The following PGM3 variants were observed in gnomAD, a reference collection of about 807,000 sequenced individuals.
PGM3 encodes the protein phosphoacetylglucosamine mutase.
Under a neutral mutation model 66.2 loss-of-function variants are expected in PGM3, and 40 were observed. That is an observed-to-expected ratio of 0.60 (90% confidence interval 0.47 to 0.79). The LOEUF (loss-of-function observed/expected upper bound fraction) is 0.79, where lower values mean the gene tolerates loss of function less well. Among genes scored for constraint, PGM3 ranks in the 30% least tolerant of loss-of-function variants. The pLI is 0.00. For missense variants in PGM3, 537 were observed against 643.4 expected (o/e 0.83, Z 1.79); for synonymous variants, 191 against 224.2 (o/e 0.85, Z 1.32).
rs143574557 is a variant in PGM3, at chr6:83,173,250, C to T, written c.1242+1124G>A. Among the ~76,000 whole-genome samples the T allele has an allele frequency of 6.3e-3, 965 of 152,130 alleles. 4 individuals are homozygous for T. Among genetic ancestry groups the T allele is most frequent in the Non-Finnish European group, 0.01 (699 of 67,998 alleles). ...AGTGTTTTTGTGGATGGATAAAATA[C>T]GAACAATGAGGTGAAGATCTCTGTG... On this transcript the variant is annotated intron_variant, in intron 10 of 12. Transcript: ENST00000513973.
chr6:83,167,479 T>C lies in PGM3; in HGVS notation c.*1755A>G. On this transcript the variant is annotated 3_prime_UTR_variant, in exon 13 of 13. Transcript: ENST00000513973. ...ATGTATAAAGCACTTTGTTCCTTTT[T>C]TCTGTAGTAATTTTGTGACCTAGTC... The C allele has an allele frequency of 1.0e-6, 1 of 995,854 alleles. No individual in the cohort carries two copies. The allele number at this position is 995,854 out of a possible 1,614,324, so 61.7% of individuals were successfully genotyped here.
chr6:83,149,396 G>A, the PGM3 span, among the ~76,000 whole-genome samples: 2 of 152,192 alleles, frequency 1.3e-5, no homozygotes, highest in African/African-American at 4.8e-5. Flanking sequence ...TAGGTCCCCA[G>A]TAAATACTTG....
chr6:83,152,415 T>A, the PGM3 span: 1 of 870,192 alleles, frequency 1.1e-6, no homozygotes, highest in South Asian at 2.7e-5. Flanking sequence ...ACTGTTTCAT[T>A]ATTAAAAATT....
intron 5 of PGM3, 128 bp downstream of exon 5, chr6:83,182,717 C>CA (rs1264799173): frequency 1.6e-5 from 14 of 879,398 alleles, no homozygotes; most frequent in African/African-American, 1.5e-4. Flanking sequence ...TAGAGAAAAA[C>CA]AAAAAAGGAG....
chr6:83,162,929 T>A, downstream of PGM3: 2 of 1,607,614 alleles, frequency 1.2e-6, no homozygotes, highest in Non-Finnish European at 1.7e-6. Context: ...GGTATCGCAT[T>A]CTTTTGTGAT....
Position 83,170,384 on chromosome 6 carries a change from T to C in PGM3, c.1460A>G (p.Lys487Arg). 1.9e-6 allele frequency: 3 copies of C among 1,614,170 alleles called. No homozygotes were observed. The highest frequency in any genetic ancestry group is 2.5e-6 in the Non-Finnish European group (3 of 1,180,014). Reference sequence around the variant, plus strand: ...GACAAAAGCTCGAGAAAGCTTGTACTTCTTCACCAGGTCATTGATTGCCTC... The same window carrying C: ...GACAAAAGCTCGAGAAAGCTTGTACCTCTTCACCAGGTCATTGATTGCCTC... ...LQEAINDLVK[K>R]YKLSRAFVRP... is the part of the protein sequence containing the mutation. The change falls in exon 12 of 13, where the codon AAG becomes AGG. Residue 487 changes from lysine (K) to arginine (R), a missense_variant. Physicochemically the swap from Lys to Arg is conservative, Grantham distance 26 (BLOSUM62 2). Coordinates refer to ENST00000513973, the MANE Select transcript of PGM3 (RefSeq NM_015599.3).
chr6:83,151,993 G>A, the PGM3 span: 1 of 1,613,762 alleles, frequency 6.2e-7, no homozygotes, highest in Admixed American at 1.7e-5. Context: ...CCAAAATAAT[G>A]GTAGATGGAA....
At position 83,175,483 on chromosome 6, in the gene PGM3, A is replaced by G. The variant is rs1008513371; in HGVS notation, c.1128+479T>C. Among the ~76,000 whole-genome samples, 4 of 152,224 alleles carry G rather than the reference A, an allele frequency of 2.6e-5. No homozygotes were observed. The East Asian group carries it at 7.7e-4, about 29-fold the overall frequency. On this transcript the variant is annotated intron_variant, in intron 9 of 12. Transcript: ENST00000513973. ...TAAAAACATTTTAAAAATATTCTGAACATTATGAATCTACAAAAAACTAAA... is the reference window on the plus strand; with the variant it reads ...TAAAAACATTTTAAAAATATTCTGAGCATTATGAATCTACAAAAAACTAAA...
At chr6:83,160,857 A>G (rs1784064621), downstream of PGM3, among the ~76,000 whole-genome samples, 2 of 152,216 alleles carry the variant, frequency 1.3e-5, no homozygotes, top group East Asian at 1.9e-4. Context: ...TTTTATTTGG[A>G]CATGCTCCAA....
intron 6 of PGM3, among the ~76,000 whole-genome samples, chr6:83,181,522 T>C (rs1319311410): frequency 6.6e-6 from 1 of 152,126 alleles, no homozygotes; most frequent in East Asian, 1.9e-4. Context: ...CCCACCTGAT[T>C]TCCTGTAGAC....
upstream of PGM3, chr6:83,193,869 C>T (rs180928956): frequency 0.017 from 2,633 of 153,874 alleles, 37 homozygotes; most frequent in Middle Eastern, 0.044. Context: ...TCGTAAACGT[C>T]CGGAGCCCTG....
chr6:83,180,861 A>G (rs538305907), intron 6 of PGM3, among the ~76,000 whole-genome samples: 1 of 152,352 alleles, frequency 6.6e-6, no homozygotes, highest in South Asian at 2.1e-4. Context: ...AGGCAACTGG[A>G]TGAAGTCTGT....
At chr6:83,158,941 T>C (rs550085310), downstream of PGM3, among the ~76,000 whole-genome samples, 9 of 152,330 alleles carry the variant, frequency 5.9e-5, no homozygotes, top group South Asian at 1.9e-3. Context: ...TAGCCAACCC[T>C]GTTATGGTAG....
downstream of PGM3, among the ~76,000 whole-genome samples, chr6:83,164,188 A>C (rs977831999): frequency 6.6e-6 from 1 of 150,378 alleles, no homozygotes; most frequent in Non-Finnish European, 1.5e-5. Flanking sequence ...ACTGAATTCC[A>C]TAACTATAAA....
chr6:83,179,919 G>T lies in PGM3; in HGVS notation c.836C>A (p.Ala279Glu), dbSNP rs1482874783. The change falls in exon 7 of 13, where the codon GCA becomes GAA. Residue 279 changes from alanine to glutamate, a missense_variant. Ala to Glu is a moderately radical substitution (Grantham distance 107). Transcript: ENST00000513973. ...ATGGTAGTAATAAACAATTCTGTCT[G>T]CATCTCCATCAAAAGAACAGCATCT... ...NERCCSFDGDADRIVYYYHDA... is the reference protein window; with the variant it reads ...NERCCSFDGDEDRIVYYYHDA... 4 of 1,611,040 alleles carry T rather than the reference G, an allele frequency of 2.5e-6. No homozygotes were observed. Among genetic ancestry groups the T allele is most frequent in the Admixed American group, 1.7e-5 (1 of 59,760 alleles).
In PGM3 at chr6:83,190,877, C is replaced by T. The variant is rs1181199519; in HGVS notation, c.136G>A (p.Ala46Thr). 1.9e-6 allele frequency: 3 copies of T among 1,613,970 alleles called. No individual in the cohort carries two copies. In the African/African-American group the frequency reaches 4.0e-5, roughly 22 times the overall value. Residue 46 changes from alanine (A) to threonine (T), a missense_variant, in exon 2 of 13, where the codon GCT becomes ACT. Ala to Thr is a moderately conservative substitution (Grantham distance 58). Transcript: ENST00000513973. ...TTTGTCTGTTTTGACCTCAGGACAG[C>T]TAATAATCCCATGCGAAACATGACA... ...DHVMFRMGLL[A>T]VLRSKQTKST...
intron 2 of PGM3, among the ~76,000 whole-genome samples, 164 bp from the exon 3 acceptor site, chr6:83,188,962 T>A (rs1421370535): frequency 6.6e-6 from 1 of 152,210 alleles, no homozygotes; most frequent in Non-Finnish European, 1.5e-5. Flanking sequence ...GTATTTTATG[T>A]ATATATATTA....
At chr6:83,172,119 T>C in intron 10 of PGM3, 60 bp from the exon 11 acceptor site, 2 of 1,573,828 alleles carry the variant, frequency 1.3e-6, no homozygotes, top group Non-Finnish European at 1.7e-6. Flanking sequence ...TGGAAATGGA[T>C]GTTTTTTCTT....
At chr6:83,176,085 T>C in intron 8 of PGM3, 25 bp from the exon 9 acceptor site, 1 of 1,211,148 alleles carries the variant, frequency 8.3e-7, no homozygotes, top group Non-Finnish European at 1.2e-6. Context: ...TTTAAAGAAA[T>C]ACAGCAATTA....
Sources: allele counts gnomAD v4.1 joint callset (sites outside exome capture counted in the v4.1 genomes callset), GRCh38; gene constraint gnomAD v4.1.1; transcripts MANE v1.5; gene names NCBI Gene and HGNC (gene_info 2026-07-23, HGNC 2026-07-21).